The following PCDH7 variants were observed in gnomAD, a reference collection of about 807,000 sequenced individuals.
PCDH7 encodes protocadherin-7.
Under a neutral mutation model 58.9 loss-of-function variants are expected in PCDH7, and 17 were observed. That is an observed-to-expected ratio of 0.29 (90% confidence interval 0.20 to 0.43). PCDH7 has a LOEUF of 0.43. Among genes scored for constraint, PCDH7 ranks in the 20% least tolerant of loss-of-function variants. The pLI, the probability that PCDH7 is intolerant of heterozygous loss-of-function variation, is 1.00. For synonymous variants in PCDH7, 664 were observed against 616.4 expected (o/e 1.08, Z -1.14); for missense variants, 1,274 against 1,441.0 (o/e 0.88, Z 1.88).
intron 3 of PCDH7, among the ~76,000 whole-genome samples, chr4:31,091,094 A>T (rs1037619900): frequency 2.0e-4 from 31 of 151,992 alleles, no homozygotes; most frequent in Non-Finnish European, 1.5e-4. Context: ...CTTCTCCAAA[A>T]ACTTTTCTGG....
At chr4:30,895,641 C>A (rs1739307565) in intron 1 of PCDH7, among the ~76,000 whole-genome samples, 1 of 151,988 alleles carries the variant, frequency 6.6e-6, no homozygotes, top group South Asian at 2.1e-4. Context: ...TTTTCAGCTA[C>A]CTTGCAGCTA....
chr4:30,771,981 G>T (rs757573586), intron 1 of PCDH7, among the ~76,000 whole-genome samples: 13 of 151,788 alleles, frequency 8.6e-5, no homozygotes, highest in Non-Finnish European at 1.8e-4. Flanking sequence ...AGCGATTCTC[G>T]TGCCTCAGCC....
rs182523661 is a variant in PCDH7 at position 31,045,286 on chromosome 4, T to G, written c.*7+95071T>G. On this transcript the variant is annotated intron_variant, in intron 3 of 3. Transcript: ENST00000509759. ...CTCTCTCTTTTTTCTTTTTGCACTT[T>G]TTTTCCCTAGGGATTTGTATTTCGA... Among the ~76,000 whole-genome samples, 59 of 152,104 alleles carry G rather than the reference T, an allele frequency of 3.9e-4. No homozygotes were observed. In the Middle Eastern group the frequency reaches 0.014, roughly 35 times the overall value.
chr4:30,948,393 A>C (rs554234108), intron 2 of PCDH7, among the ~76,000 whole-genome samples: 151 of 152,176 alleles, frequency 9.9e-4, no homozygotes, highest in African/African-American at 3.4e-3. Context: ...TGAGATTCCC[A>C]CATTTGCTTC....
chr4:30,965,688 A>G (rs1748932797), intron 3 of PCDH7, among the ~76,000 whole-genome samples: 1 of 152,102 alleles, frequency 6.6e-6, no homozygotes, highest in African/African-American at 2.4e-5. Context: ...TTAAAGAAAT[A>G]AAAAAGAGTA....
intron 1 of PCDH7, among the ~76,000 whole-genome samples, chr4:30,853,433 G>T (rs1733037528): frequency 1.3e-5 from 2 of 152,050 alleles, no homozygotes; most frequent in African/African-American, 4.8e-5. Flanking sequence ...TGGGCCTCTG[G>T]CCTATACTCA....
At chr4:30,730,160 T>C (rs963702531) in intron 1 of PCDH7, among the ~76,000 whole-genome samples, 1 of 151,798 alleles carries the variant, frequency 6.6e-6, no homozygotes, top group Non-Finnish European at 1.5e-5. Context: ...TGACTTTGTT[T>C]AGAATAGTCA....
intron 1 of PCDH7, among the ~76,000 whole-genome samples, chr4:30,805,471 T>G (rs1028746231): frequency 6.6e-6 from 1 of 152,200 alleles, no homozygotes; most frequent in Non-Finnish European, 1.5e-5. Flanking sequence ...AAGATATAAA[T>G]AAGTAAATAC....
chr4:30,888,073 A>G (rs924428130), intron 1 of PCDH7, among the ~76,000 whole-genome samples: 1 of 152,120 alleles, frequency 6.6e-6, no homozygotes, highest in Non-Finnish European at 1.5e-5. Flanking sequence ...ACGGGGTTTC[A>G]CCATGTTGGT....
intron 2 of PCDH7, among the ~76,000 whole-genome samples, chr4:30,930,768 CA>C (rs33945579): frequency 0.087 from 12,253 of 141,486 alleles, 716 homozygotes; most frequent in East Asian, 0.27. Context: ...CCTGTCTCTG[CA>C]AAAAAAAAAA....
chr4:31,052,107 CT>C (rs1445565867), intron 3 of PCDH7, among the ~76,000 whole-genome samples: 1 of 151,996 alleles, frequency 6.6e-6, no homozygotes, highest in African/African-American at 2.4e-5. Flanking sequence ...TATAATGTCC[CT>C]TTTTTTGTTG....
Position 30,721,975 on chromosome 4 carries a change from G to C in PCDH7, c.553G>C (p.Glu185Gln). 1 of 1,355,466 alleles carries C rather than the reference G, an allele frequency of 7.4e-7. No individual in the cohort carries two copies. Among genetic ancestry groups the C allele is most frequent in the Non-Finnish European group, 9.5e-7 (1 of 1,055,384 alleles). The allele number at this position is 1,355,466 out of a possible 1,614,324, so 84.0% of individuals were successfully genotyped here. A position where few individuals can be genotyped will look rare whatever the true frequency, so the allele number is the denominator to read the frequency against. Residue 185 changes from glutamate (E) to glutamine (Q), a missense_variant, in exon 1 of 2, where the codon GAG (glutamate) becomes CAG (glutamine). Physicochemically the swap from Glu to Gln is conservative, Grantham distance 29. Coordinates refer to ENST00000361762, the Ensembl canonical transcript of PCDH7. The surrounding 1 kb of genome is among the most constrained non-coding windows in gnomAD (Gnocchi z 6.7). ...CATCGAGCGCTACGAGCTGCTCCAG[G>C]AGCCCGGAGGCGGCGGCAGCGGCGG...
chr4:31,033,807 A>G (rs1454324390), intron 3 of PCDH7, among the ~76,000 whole-genome samples: 1 of 152,122 alleles, frequency 6.6e-6, no homozygotes, highest in African/African-American at 2.4e-5. Flanking sequence ...ATTAGAAACT[A>G]TCTAGGCTGG....
chr4:30,947,030 T>C (rs1746776486), intron 2 of PCDH7, among the ~76,000 whole-genome samples: 1 of 152,038 alleles, frequency 6.6e-6, no homozygotes, highest in African/African-American at 2.4e-5. Context: ...TATTCTTTTA[T>C]CCCAGCTAAA....
rs143044126 is a variant in PCDH7, at chr4:31,114,925, G to A, written c.*8-27548G>A. On this transcript the variant is annotated intron_variant, in intron 3 of 3. Transcript: ENST00000509759. ...TGATAGCAGAAAAGGGTTCTTTCTTGAAATGGATGCTTCATTCTTTTTCTC... is the reference window on the plus strand; with the variant it reads ...TGATAGCAGAAAAGGGTTCTTTCTTAAAATGGATGCTTCATTCTTTTTCTC... 4.3e-3 allele frequency among the ~76,000 whole-genome samples: 658 copies of A among 152,278 alleles called. 6 individuals carry two copies. The highest frequency in any genetic ancestry group is 6.6e-3 in the Non-Finnish European group (446 of 68,020).
chr4:31,042,439 G>A (rs1024837747), intron 3 of PCDH7, among the ~76,000 whole-genome samples: 1 of 152,046 alleles, frequency 6.6e-6, no homozygotes, highest in Non-Finnish European at 1.5e-5. Flanking sequence ...GATGAACAGT[G>A]TTGCAATAAT....
chr4:30,953,320 A>G (rs1747543173), intron 3 of PCDH7, among the ~76,000 whole-genome samples: 1 of 152,106 alleles, frequency 6.6e-6, no homozygotes, highest in Non-Finnish European at 1.5e-5. Context: ...ATTCAGACAG[A>G]CACTATGTCA....
chr4:31,143,122 AAAAC>A (rs1385697731), downstream of PCDH7: 13 of 168,592 alleles, frequency 7.7e-5, 1 homozygote, highest in Admixed American at 1.2e-4. Flanking sequence ...CAAAAAAAAA[AAAAC>A]AAAAAGAAAA....
At chr4:30,916,335 G>A (rs111813301) in intron 1 of PCDH7, among the ~76,000 whole-genome samples, 33 of 152,234 alleles carry the variant, frequency 2.2e-4, no homozygotes, top group African/African-American at 6.7e-4. Context: ...GTCAGAAAAT[G>A]TCTTCATTAT....
Sources: allele counts gnomAD v4.1 joint callset (sites outside exome capture counted in the v4.1 genomes callset), GRCh38; gene constraint gnomAD v4.1.1; non-coding constraint Gnocchi (gnomAD v3.1); transcripts MANE v1.5; gene names NCBI Gene and HGNC (gene_info 2026-07-23, HGNC 2026-07-21).